The following CSMD3 variants were observed in gnomAD, a reference collection of about 807,000 sequenced individuals.
CSMD3 encodes the protein CUB and Sushi multiple domains 3.
In CSMD3, 177 loss-of-function variants were observed where a neutral mutation model predicts 435.2. The observed-to-expected ratio is 0.41, with a 90% CI of 0.36 to 0.46. CSMD3 has a LOEUF of 0.46. Ranked by LOEUF, CSMD3 falls within the 20% of genes least tolerant of loss-of-function variation. The probability of loss-of-function intolerance (pLI) is 0.34; values close to 1 mark genes in which losing one functional copy is unlikely to be tolerated. For synonymous variants in CSMD3, 1,656 were observed against 1,520.5 expected, an observed-to-expected ratio of 1.09 and a Z score of -2.07; for missense variants, 4,265 against 4,504.6, an observed-to-expected ratio of 0.95 and a Z score of 1.52.
rs998604050 is a variant in CSMD3, at chr8:112,872,544, TA to T, written c.1634-13279del. 4.6e-5 allele frequency among the ~76,000 whole-genome samples: 7 copies of T among 151,936 alleles called. No homozygotes were observed. In the South Asian group the frequency reaches 8.3e-4, roughly 18 times the overall value. On this transcript the variant is annotated intron_variant, in intron 10 of 70. Transcript: ENST00000297405. ...AATATAATGTACAGATTTTTCAAGGTAAAAAAAAGTAAGCAAATTCATTTTT... is the reference window on the plus strand; with the variant it reads ...AATATAATGTACAGATTTTTCAAGGTAAAAAAAGTAAGCAAATTCATTTTT...
chr8:112,966,153 T>C (rs983960564), intron 7 of CSMD3, among the ~76,000 whole-genome samples: 4 of 151,740 alleles, frequency 2.6e-5, no homozygotes, highest in Non-Finnish European at 4.4e-5. Context: ...ACTTTACCAA[T>C]GTCAAAGTTC....
At chr8:112,525,502 C>T (rs944104841) in intron 27 of CSMD3, among the ~76,000 whole-genome samples, 3 of 149,546 alleles carry the variant, frequency 2.0e-5, no homozygotes, top group East Asian at 3.9e-4. Flanking sequence ...GGGCGGATCA[C>T]GAGGTCAGGA....
At chr8:112,957,463 G>C (rs1587760525) in intron 7 of CSMD3, among the ~76,000 whole-genome samples, 1 of 152,168 alleles carries the variant, frequency 6.6e-6, no homozygotes, top group African/African-American at 2.4e-5. Context: ...TTGTTTGTTT[G>C]TTTGTTTTGA....
At chr8:112,480,167 T>C (rs144387488) in intron 31 of CSMD3, among the ~76,000 whole-genome samples, 1 of 152,350 alleles carries the variant, frequency 6.6e-6, no homozygotes, top group East Asian at 1.9e-4. Context: ...GTTTCAGACT[T>C]GTGTGGAGAA....
At chr8:112,337,432 G>C (rs964034811) in intron 43 of CSMD3, 111 bp downstream of exon 43, 20 of 829,550 alleles carry the variant, frequency 2.4e-5, no homozygotes, top group Non-Finnish European at 2.1e-5. Flanking sequence ...CTTCAGCTGA[G>C]AGACTATATA....
chr8:112,806,127 G>GC (rs77481227), intron 12 of CSMD3, among the ~76,000 whole-genome samples: 119,674 of 152,012 alleles, frequency 0.79, 47,209 homozygotes, highest in East Asian at 0.9. Flanking sequence ...GTGAATTTCA[G>GC]TTTTGTAAAG....
intron 16 of CSMD3, among the ~76,000 whole-genome samples, chr8:112,667,348 T>C (rs2075550388): frequency 6.6e-6 from 1 of 152,160 alleles, no homozygotes; most frequent in African/African-American, 2.4e-5. Context: ...TATTCAGTTT[T>C]CATACGTATA....
chr8:113,137,930 T>C (rs2091455724), intron 4 of CSMD3, among the ~76,000 whole-genome samples: 1 of 151,590 alleles, frequency 6.6e-6, no homozygotes, highest in Non-Finnish European at 1.5e-5. Context: ...AAGATAGATC[T>C]CAACTTCTTC....
intron 10 of CSMD3, among the ~76,000 whole-genome samples, chr8:112,883,758 C>T (rs2081512824): frequency 6.6e-6 from 1 of 151,842 alleles, no homozygotes; most frequent in Non-Finnish European, 1.5e-5. Flanking sequence ...TTAAATAATG[C>T]CCTTTTCTCT....
intron 11 of CSMD3, among the ~76,000 whole-genome samples, chr8:112,843,692 A>T (rs2080242372): frequency 6.6e-6 from 1 of 151,792 alleles, no homozygotes; most frequent in African/African-American, 2.4e-5. Context: ...ACCTCAGCTA[A>T]GAGCCAAGAA....
chr8:112,536,985 C>T (rs571060428), intron 27 of CSMD3, among the ~76,000 whole-genome samples: 1 of 151,576 alleles, frequency 6.6e-6, no homozygotes, highest in Non-Finnish European at 1.5e-5. Flanking sequence ...CACTTGGACA[C>T]AGGAAGGGGA....
At chr8:113,177,603 A>G (rs1462139769) in intron 3 of CSMD3, among the ~76,000 whole-genome samples, 2 of 152,014 alleles carry the variant, frequency 1.3e-5, no homozygotes. Context: ...ATTACACAAT[A>G]TTCTTGGTTG....
At chr8:112,743,582 G>C (rs966698936) in intron 13 of CSMD3, among the ~76,000 whole-genome samples, 1 of 151,710 alleles carries the variant, frequency 6.6e-6, no homozygotes, top group African/African-American at 2.4e-5. Context: ...AATCCTTTGG[G>C]AAATACCAAA....
chr8:113,159,313 G>A (rs1457458824), intron 4 of CSMD3, among the ~76,000 whole-genome samples: 1 of 151,862 alleles, frequency 6.6e-6, no homozygotes, highest in Non-Finnish European at 1.5e-5. Context: ...ATATAAATAT[G>A]TGTTTGTGCC....
intron 32 of CSMD3, among the ~76,000 whole-genome samples, chr8:112,420,813 A>AG (rs2130272805): frequency 6.6e-6 from 1 of 152,258 alleles, no homozygotes; most frequent in South Asian, 2.1e-4. Flanking sequence ...CTCCTACTTC[A>AG]GTTAGAGAAG....
chr8:112,954,656 G>A, intron 8 of CSMD3, 28 bp downstream of exon 8: 1 of 1,453,256 alleles, frequency 6.9e-7, no homozygotes, highest in African/African-American at 1.4e-5. Flanking sequence ...TTGCACTAGA[G>A]AAAGTAACAA....
chr8:112,705,504 G>T (rs768115707), intron 13 of CSMD3, among the ~76,000 whole-genome samples: 1 of 151,968 alleles, frequency 6.6e-6, no homozygotes, highest in African/African-American at 2.4e-5. Context: ...GGACTCTCAT[G>T]TACATTTAAA....
intron 3 of CSMD3, among the ~76,000 whole-genome samples, chr8:113,259,342 T>C (rs1490561428): frequency 1.3e-5 from 2 of 152,144 alleles, no homozygotes; most frequent in African/African-American, 2.4e-5. Context: ...AGATGAGATA[T>C]TGTCCTATAA....
chr8:113,171,630 A>G (rs1487138747), intron 4 of CSMD3, among the ~76,000 whole-genome samples: 1 of 152,206 alleles, frequency 6.6e-6, no homozygotes, highest in East Asian at 1.9e-4. Context: ...AAAAGTTCTT[A>G]AACAGAGACA....
Sources: gnomAD v4.1 joint callset for allele counts (sites outside exome capture counted in the v4.1 genomes callset) on GRCh38, gnomAD v4.1.1 for gene constraint, MANE v1.5 for transcripts, NCBI Gene and HGNC (gene_info 2026-07-23, HGNC 2026-07-21) for gene names.